Variants in PCDHGA2 observed in about 807,000 individuals in gnomAD.
PCDHGA2 encodes protocadherin gamma-A2.
PCDHGA2 carries 40 observed loss-of-function variants against 59.2 expected under a neutral mutation model. The ratio of observed to expected loss-of-function variants is 0.68; its 90% CI spans 0.52 to 0.88. PCDHGA2 has a LOEUF of 0.88. Among genes scored for constraint, PCDHGA2 ranks in the 40% least tolerant of loss-of-function variants. The pLI is 0.00. For synonymous variants in PCDHGA2, 560 were observed against 526.0 expected (o/e 1.06, Z -0.89); for missense variants, 1,226 against 1,204.0 (o/e 1.02, Z -0.27).
At position 141,362,521 on chromosome 5, in the gene PCDHGA2, G is replaced by T. The variant is rs1299145664; in HGVS notation, c.2424+21126G>T. On this transcript the variant is annotated intron_variant, in intron 1 of 3. Transcript: ENST00000394576. ...GGAACAAAATACAAATCATGGAGCC[G>T]CTGGGGTCCCTTTTGCCTCAGATAC... The T allele has an allele frequency of 2.2e-5, 36 of 1,613,832 alleles. No individual in the cohort carries two copies. The highest frequency in any genetic ancestry group is 2.8e-5 in the Non-Finnish European group (33 of 1,179,902).
chr5:141,495,449 GCT>G (rs560850951), intron 2 of PCDHGA2, among the ~76,000 whole-genome samples: 3 of 152,194 alleles, frequency 2.0e-5, no homozygotes, highest in Non-Finnish European at 2.9e-5. Flanking sequence ...TACTTGTCCT[GCT>G]CTCTGTCTGT....
intron 1 of PCDHGA2, chr5:141,394,523 C>T (rs373702756): frequency 5.0e-6 from 8 of 1,614,234 alleles, no homozygotes; most frequent in Non-Finnish European, 6.8e-6. Context: ...TCCCCACAGA[C>T]GGTTCCACTG....
rs1416883218 is a variant in PCDHGA2, at chr5:141,428,027, G to A, written c.2425-66780G>A. On this transcript the variant is annotated intron_variant, in intron 1 of 3. Coordinates refer to ENST00000394576, the MANE Select transcript of PCDHGA2 (RefSeq NM_018915.4). ...TCGATATAGTGCCACGCGCCGCAGAGTCCGGCTACCTGGTGACCAAGGTGG... is the reference window on the plus strand; with the variant it reads ...TCGATATAGTGCCACGCGCCGCAGAATCCGGCTACCTGGTGACCAAGGTGG... 1.9e-6 allele frequency: 3 copies of A among 1,606,742 alleles called. No homozygotes were observed. The Admixed American group carries it at 5.0e-5, about 27-fold the overall frequency.
intron 1 of PCDHGA2, chr5:141,367,494 G>T (rs1765172708): frequency 6.6e-6 from 1 of 151,970 alleles, no homozygotes; most frequent in African/African-American, 2.4e-5. Context: ...CCGAGATCGC[G>T]CCACTGCACT....
chr5:141,444,152 A>AT (rs747671382), intron 1 of PCDHGA2, among the ~76,000 whole-genome samples: 1,130 of 33,890 alleles, frequency 0.033, 460 homozygotes, highest in Non-Finnish European at 0.038. Flanking sequence ...TGTGTACTGG[A>AT]TTTTTTTTTT....
intron 1 of PCDHGA2, chr5:141,356,010 T>C: frequency 6.2e-7 from 1 of 1,613,914 alleles, no homozygotes; most frequent in Non-Finnish European, 8.5e-7. Flanking sequence ...CTGATCCAGA[T>C]GAAGGAGCCA....
chr5:141,365,091 A>C (rs1251688071), intron 1 of PCDHGA2: 1 of 1,613,870 alleles, frequency 6.2e-7, no homozygotes, highest in Admixed American at 1.7e-5. Context: ...GTTCCAGAGA[A>C]CATACCTGTG....
intron 1 of PCDHGA2, chr5:141,478,265 G>A: frequency 6.2e-7 from 1 of 1,614,196 alleles, no homozygotes; most frequent in African/African-American, 1.3e-5. Context: ...CATATTCAAA[G>A]TTTACAAGTG....
At chr5:141,423,549 C>T (rs748764057) in intron 1 of PCDHGA2, 113 of 1,613,568 alleles carry the variant, frequency 7.0e-5, no homozygotes, top group Non-Finnish European at 8.7e-5. Flanking sequence ...TCCCCCAGCC[C>T]AACTATGGGG....
At chr5:141,395,094 G>T (rs192995605) in intron 1 of PCDHGA2, 4 of 1,614,042 alleles carry the variant, frequency 2.5e-6, no homozygotes, top group Non-Finnish European at 3.4e-6. Flanking sequence ...CTCCCTCACC[G>T]CCGACTCGCG....
intron 1 of PCDHGA2, chr5:141,415,216 A>C: frequency 6.2e-7 from 1 of 1,614,086 alleles, no homozygotes; most frequent in African/African-American, 1.3e-5. Flanking sequence ...GGACCTCGGC[A>C]GCTTCGAGTC....
chr5:141,362,234 C>T, intron 1 of PCDHGA2: 1 of 1,614,040 alleles, frequency 6.2e-7, no homozygotes, highest in Non-Finnish European at 8.5e-7. Flanking sequence ...GCCTTGATCT[C>T]AGTGCTCTTC....
chr5:141,453,721 A>G (rs373983847), intron 1 of PCDHGA2, among the ~76,000 whole-genome samples: 4 of 152,244 alleles, frequency 2.6e-5, no homozygotes, highest in East Asian at 1.9e-4. Flanking sequence ...CTATAAAAAT[A>G]TTTGTTACTA....
intron 1 of PCDHGA2, chr5:141,423,975 A>T: frequency 8.9e-7 from 1 of 1,126,024 alleles, no homozygotes; most frequent in Non-Finnish European, 1.1e-6. Flanking sequence ...TTATCAGTGT[A>T]TGAGGCTCTC....
At chr5:141,508,983 C>T (rs532410967) in intron 3 of PCDHGA2, among the ~76,000 whole-genome samples, 44 of 152,148 alleles carry the variant, frequency 2.9e-4, no homozygotes, top group Non-Finnish European at 4.4e-4. Flanking sequence ...GGGGTGGGGG[C>T]CAGCTGGGGT....
intron 1 of PCDHGA2, among the ~76,000 whole-genome samples, chr5:141,482,385 A>T (rs1238551737): frequency 6.6e-6 from 1 of 152,210 alleles, no homozygotes; most frequent in Non-Finnish European, 1.5e-5. Context: ...AAGTCCCTGT[A>T]TGGAGCAAGT....
At chr5:141,353,833 C>G (rs143341635) in intron 1 of PCDHGA2, among the ~76,000 whole-genome samples, 2 of 152,274 alleles carry the variant, frequency 1.3e-5, no homozygotes, top group African/African-American at 2.4e-5. Flanking sequence ...TTTGTGCGGT[C>G]TTTGAGGATT....
At chr5:141,430,931 G>C (rs781580216) in intron 1 of PCDHGA2, 2 of 1,607,530 alleles carry the variant, frequency 1.2e-6, no homozygotes, top group Admixed American at 1.7e-5. Flanking sequence ...GGAGCCCCGG[G>C]AGCTCGCGGA....
At chr5:141,403,179 C>T (rs1341077920) in intron 1 of PCDHGA2, 1 of 1,614,000 alleles carries the variant, frequency 6.2e-7, no homozygotes, top group Admixed American at 1.7e-5. Flanking sequence ...CAGCTTTTCT[C>T]TCTGAACCCG....
Sources: allele counts gnomAD v4.1 joint callset (sites outside exome capture counted in the v4.1 genomes callset), GRCh38; gene constraint gnomAD v4.1.1; transcripts MANE v1.5; gene names NCBI Gene and HGNC (gene_info 2026-07-23, HGNC 2026-07-21).